CCSER1: variants seen among roughly 807,000 people sequenced by gnomAD.
The protein encoded by CCSER1 is coiled-coil serine rich protein 1.
A neutral mutation model predicts 82.0 loss-of-function variants in CCSER1; 41 were observed. That is an observed-to-expected ratio of 0.50 (90% CI 0.39 to 0.65). The LOEUF is 0.65. Among genes scored for constraint, CCSER1 ranks in the 30% least tolerant of loss-of-function variants. The pLI, the probability that CCSER1 is intolerant of heterozygous loss-of-function variation, is 0.00. For synonymous variants in CCSER1, 414 were observed against 383.9 expected, an observed-to-expected ratio of 1.08 and a Z score of -0.92; for missense variants, 1,119 against 1,064.2, an observed-to-expected ratio of 1.05 and a Z score of -0.72.
chr4:91,183,542 G>A (rs1235584593), intron 10 of CCSER1, among the ~76,000 whole-genome samples: 2 of 152,086 alleles, frequency 1.3e-5, no homozygotes, highest in African/African-American at 2.4e-5. Flanking sequence ...TCGTGAGAGG[G>A]ACAATAATTT....
chr4:91,108,969 T>C (rs1725866439), intron 10 of CCSER1, among the ~76,000 whole-genome samples: 1 of 152,162 alleles, frequency 6.6e-6, no homozygotes, highest in Admixed American at 6.5e-5. Flanking sequence ...AGGACTCAGA[T>C]AGAATGAAAA....
intron 10 of CCSER1, among the ~76,000 whole-genome samples, chr4:91,303,860 A>T (rs1309959207): frequency 6.6e-6 from 1 of 152,102 alleles, no homozygotes; most frequent in East Asian, 1.9e-4. Flanking sequence ...ATAAAATAAA[A>T]ATTGTATCAT....
intron 3 of CCSER1, among the ~76,000 whole-genome samples, chr4:90,331,328 G>A (rs974142901): frequency 6.6e-6 from 1 of 151,982 alleles, no homozygotes; most frequent in Non-Finnish European, 1.5e-5. Flanking sequence ...TCCACCTAAT[G>A]GACAAATAAA....
intron 7 of CCSER1, among the ~76,000 whole-genome samples, chr4:90,796,418 T>TAA (rs70963082): frequency 2.2e-3 from 172 of 79,682 alleles, no homozygotes; most frequent in South Asian, 0.014. Context: ...GTACTAAATT[T>TAA]AAAAAAAAAA....
chr4:90,673,709 C>T (rs1733245661), intron 6 of CCSER1, among the ~76,000 whole-genome samples: 1 of 151,938 alleles, frequency 6.6e-6, no homozygotes, highest in African/African-American at 2.4e-5. Flanking sequence ...ATGTGGTGAA[C>T]ATCATAGGCA....
intron 9 of CCSER1, among the ~76,000 whole-genome samples, chr4:91,042,342 T>G (rs1742033182): frequency 6.6e-6 from 1 of 152,168 alleles, no homozygotes; most frequent in Admixed American, 6.5e-5. Context: ...GGATTGTAAG[T>G]TTCCTGAGGC....
chr4:91,276,252 A>G (rs1000208056), intron 10 of CCSER1, among the ~76,000 whole-genome samples: 5 of 144,284 alleles, frequency 3.5e-5, no homozygotes, highest in African/African-American at 1.3e-4. Context: ...TTTGGGTAGT[A>G]TAGTTACATT....
intron 5 of CCSER1, among the ~76,000 whole-genome samples, chr4:90,607,439 A>G (rs1223817448): frequency 1.3e-5 from 2 of 152,142 alleles, no homozygotes; most frequent in Non-Finnish European, 2.9e-5. Flanking sequence ...AGAGGCTATA[A>G]GTCTCATATC....
At chr4:91,281,438 C>T (rs563420965) in intron 10 of CCSER1, among the ~76,000 whole-genome samples, 6 of 152,142 alleles carry the variant, frequency 3.9e-5, no homozygotes, top group African/African-American at 1.4e-4. Flanking sequence ...TGAAAAAACA[C>T]AAATACAAGG....
At position 91,013,454 on chromosome 4, in the gene CCSER1, G is replaced by A. The variant is rs180963267; in HGVS notation, c.2173-72496G>A. Among the ~76,000 whole-genome samples, 28 of 132,952 alleles carry A rather than the reference G, an allele frequency of 2.1e-4. 8 individuals carry two copies. In the East Asian group the frequency reaches 5.5e-3, roughly 26 times the overall value. 87.2% of individuals were successfully genotyped at this position (132,952 alleles called of 152,430 possible). A position where few individuals can be genotyped will look rare whatever the true frequency, so the allele number is the denominator to read the frequency against. ...TCTGTCTTTATGCCAGTACCACACT[G>A]ATTAGATTACTTTAACATTGTAATA... On this transcript the variant is annotated intron_variant, in intron 9 of 10. Coordinates refer to ENST00000509176, the MANE Select transcript of CCSER1 (RefSeq NM_001145065.2).
chr4:91,080,584 G>A (rs899602886), intron 9 of CCSER1, among the ~76,000 whole-genome samples: 1 of 152,078 alleles, frequency 6.6e-6, no homozygotes, highest in Non-Finnish European at 1.5e-5. Flanking sequence ...AACTGAAGGA[G>A]ATAGAGGCAC....
At chr4:90,558,898 G>A (rs1778412712) in intron 5 of CCSER1, among the ~76,000 whole-genome samples, 1 of 152,162 alleles carries the variant, frequency 6.6e-6, no homozygotes, top group Non-Finnish European at 1.5e-5. Flanking sequence ...ATTATGATGT[G>A]AAATAGCCTT....
chr4:91,053,998 G>A (rs1182772972), intron 9 of CCSER1, among the ~76,000 whole-genome samples: 4 of 152,176 alleles, frequency 2.6e-5, no homozygotes, highest in Non-Finnish European at 5.9e-5. Context: ...ATAAACATCT[G>A]TATACATTCA....
intron 10 of CCSER1, among the ~76,000 whole-genome samples, chr4:91,181,775 G>A (rs563265279): frequency 6.6e-6 from 1 of 152,154 alleles, no homozygotes; most frequent in African/African-American, 2.4e-5. Flanking sequence ...TTTCTAACTG[G>A]GTCCAAGCCT....
intron 9 of CCSER1, among the ~76,000 whole-genome samples, chr4:91,070,154 T>G (rs1721280600): frequency 6.6e-6 from 1 of 151,922 alleles, no homozygotes; most frequent in South Asian, 2.1e-4. Flanking sequence ...CTGGCTAAAT[T>G]TTTTGTATTT....
At chr4:91,525,352 A>T (rs1760718308) in intron 10 of CCSER1, among the ~76,000 whole-genome samples, 2 of 152,150 alleles carry the variant, frequency 1.3e-5, no homozygotes, top group South Asian at 2.1e-4. Context: ...AGACAATGGT[A>T]TGTAGACTAG....
intron 7 of CCSER1, among the ~76,000 whole-genome samples, chr4:90,751,570 A>G (rs1191949146): frequency 6.6e-6 from 1 of 152,104 alleles, no homozygotes; most frequent in Non-Finnish European, 1.5e-5. Context: ...TACAAAGATT[A>G]ATTGTAGTTA....
chr4:90,889,655 G>A (rs1225202781), intron 8 of CCSER1, among the ~76,000 whole-genome samples: 2 of 152,004 alleles, frequency 1.3e-5, no homozygotes, highest in Non-Finnish European at 2.9e-5. Flanking sequence ...CTGGACAAAG[G>A]AACTGTGGTA....
rs189655755 is a variant in CCSER1 at position 91,565,368 on chromosome 4, G to T, written c.2218-33204G>T. 6.2e-3 allele frequency among the ~76,000 whole-genome samples: 947 copies of T among 152,012 alleles called. 9 individuals are homozygous for T. The highest frequency in any genetic ancestry group is 8.3e-3 in the Non-Finnish European group (561 of 67,942). On this transcript the variant is annotated intron_variant, in intron 10 of 10. Coordinates refer to ENST00000509176, the MANE Select transcript of CCSER1 (RefSeq NM_001145065.2). ...AGCTTTGTTCTTTTTGTTCATGATTGCCTTGGCTGTTCAGGCTCTTTTATG... is the reference window on the plus strand; with the variant it reads ...AGCTTTGTTCTTTTTGTTCATGATTTCCTTGGCTGTTCAGGCTCTTTTATG...
Sources: allele counts gnomAD v4.1 joint callset (sites outside exome capture counted in the v4.1 genomes callset), GRCh38; gene constraint gnomAD v4.1.1; transcripts MANE v1.5; gene names NCBI Gene and HGNC (gene_info 2026-07-23, HGNC 2026-07-21).